FRMPD4: variants seen among roughly 807,000 people sequenced by gnomAD.
FRMPD4 encodes the protein FERM and PDZ domain containing 4, also known as FERM and PDZ domain-containing protein 4.
In FRMPD4, 22 loss-of-function variants were observed where a neutral mutation model predicts 94.1. That is an observed-to-expected ratio of 0.23 (90% confidence interval 0.17 to 0.33). FRMPD4 has a LOEUF of 0.33. Ranked by LOEUF, FRMPD4 falls within the 10% of genes least tolerant of loss-of-function variation. The pLI is 1.00. For missense variants in FRMPD4, 1,111 were observed against 1,339.9 expected (o/e 0.83, Z 2.67); for synonymous variants, 631 against 548.6 (o/e 1.15, Z -2.10).
intron 3 of FRMPD4, among the ~76,000 whole-genome samples, chrX:11,893,380 A>G (rs977240693): frequency 8.9e-5 from 10 of 112,247 alleles, no homozygotes; most frequent in Admixed American, 9.5e-5. Context: ...CTGTAGAGAC[A>G]CTTGGACCTG....
chrX:12,499,149 A>C lies in FRMPD4; in HGVS notation c.158+353A>C, dbSNP rs759813560. On this transcript the variant is annotated intron_variant, in intron 2 of 16. Transcript: ENST00000675598. ...GTCTGAGATTAACAACCGAAGTTGG[A>C]CATGCAAGAATCTCATTTACAAGGT... is the stretch of plus-strand genomic sequence containing the variant. Among the ~76,000 whole-genome samples the C allele has an allele frequency of 9.9e-5, 11 of 111,505 alleles. No homozygotes were observed. In the Admixed American group the frequency reaches 1.0e-3, roughly 11 times the overall value.
intron 3 of FRMPD4, among the ~76,000 whole-genome samples, chrX:11,965,271 G>A (rs1333200724): frequency 8.9e-6 from 1 of 112,175 alleles, no homozygotes; most frequent in Non-Finnish European, 1.9e-5. Context: ...AGGTCTACAT[G>A]TTATTCTTTT....
At chrX:12,259,733 C>A (rs1352959880) in intron 1 of FRMPD4, among the ~76,000 whole-genome samples, 1 of 111,644 alleles carries the variant, frequency 9.0e-6, no homozygotes. Context: ...GAAATATAGT[C>A]TAGCCCTGTG....
chrX:12,388,846 T>TAC (rs1480547571), intron 1 of FRMPD4, among the ~76,000 whole-genome samples: 2 of 85,900 alleles, frequency 2.3e-5, no homozygotes, highest in African/African-American at 4.7e-5. Context: ...TATATATATA[T>TAC]ATATACACAC....
At chrX:12,109,425 T>C (rs1042747442) in intron 3 of FRMPD4, among the ~76,000 whole-genome samples, 1 of 111,959 alleles carries the variant, frequency 8.9e-6, no homozygotes, top group Non-Finnish European at 1.9e-5. Flanking sequence ...TTTAAAGCAG[T>C]GTGTAGAGGG....
intron 1 of FRMPD4, among the ~76,000 whole-genome samples, chrX:12,226,055 A>G (rs1458643708): frequency 1.8e-5 from 2 of 111,438 alleles, no homozygotes; most frequent in Non-Finnish European, 3.8e-5. Flanking sequence ...GCCATTTATT[A>G]TTGTTGTGGT....
intron 9 of FRMPD4, among the ~76,000 whole-genome samples, chrX:12,697,843 A>T (rs2060148766): frequency 8.9e-6 from 1 of 112,200 alleles, no homozygotes; most frequent in Non-Finnish European, 1.9e-5. Flanking sequence ...CAGAGGGGGA[A>T]AAATAGAAAA....
At chrX:11,869,544 C>T (rs1424944506) in intron 2 of FRMPD4, among the ~76,000 whole-genome samples, 1 of 111,858 alleles carries the variant, frequency 8.9e-6, no homozygotes, top group Non-Finnish European at 1.9e-5. Context: ...ACATATATCA[C>T]AACATCATAT....
intron 1 of FRMPD4, among the ~76,000 whole-genome samples, chrX:12,465,531 A>G (rs759211646): frequency 1.8e-5 from 2 of 111,740 alleles, no homozygotes; most frequent in South Asian, 7.6e-4. Context: ...GTGTCATTCC[A>G]TTGGTTAGAA....
In FRMPD4 at chrX:12,332,060, A is replaced by ATTATATATTTATATACT. The variant is rs2055424382; in HGVS notation, c.42-166620_42-166619insTTATATATTTATATACT. Among the ~76,000 whole-genome samples the ATTATATATTTATATACT allele has an allele frequency of 6.8e-5, 5 of 73,881 alleles. 1 individual carries two copies. Among genetic ancestry groups the ATTATATATTTATATACT allele is most frequent in the African/African-American group, 2.9e-4 (5 of 17,534 alleles). The allele number at this position is 73,881 out of a possible 115,157, so 64.2% of individuals were successfully genotyped here. A position where few individuals can be genotyped will look rare whatever the true frequency, so the allele number is the denominator to read the frequency against. On this transcript the variant is annotated intron_variant, in intron 1 of 16. Transcript: ENST00000675598. ...TATATACTATATATAAATTATATGT[A>ATTATATATTTATATACT]ATATATAATTTATATTATATATAAT...
intron 1 of FRMPD4, among the ~76,000 whole-genome samples, chrX:12,369,653 G>A (rs2056134739): frequency 8.9e-6 from 1 of 112,344 alleles, no homozygotes; most frequent in African/African-American, 3.2e-5. Flanking sequence ...TTCTTGAAAC[G>A]TAAGTAGGAA....
chrX:11,966,026 A>T (rs984354600), intron 3 of FRMPD4, among the ~76,000 whole-genome samples: 1 of 112,243 alleles, frequency 8.9e-6, no homozygotes, highest in Non-Finnish European at 1.9e-5. Flanking sequence ...GATAAAAGAC[A>T]TCTAAGACAT....
At position 12,716,641 on chromosome X, in the gene FRMPD4, G is replaced by A. The variant is rs750615873; in HGVS notation, c.2182G>A (p.Ala728Thr). ...NIGDVKSFQA[A>T]EGIEEPLLHD... ...AGGCGATGTGAAGAGCTTCCAGGCCGCGGAGGGGATCGAGGAACCCCTCTT... is the reference window on the plus strand; with the variant it reads ...AGGCGATGTGAAGAGCTTCCAGGCCACGGAGGGGATCGAGGAACCCCTCTT... The change falls in exon 15 of 17, where the codon GCG (alanine) becomes ACG (threonine). Residue 728 changes from alanine (A) to threonine (T), a missense_variant. Around this residue, in one of 8 missense-constraint regions of FRMPD4, gnomAD observed 192 missense variants for 192.5 expected, o/e 1.00. Coordinates refer to ENST00000675598, the MANE Select transcript of FRMPD4 (RefSeq NM_001368397.1). 237 of 1,207,976 alleles carry A rather than the reference G, an allele frequency of 2.0e-4. No individual in the cohort carries two copies. The highest frequency in any genetic ancestry group is 2.5e-4 in the Non-Finnish European group (225 of 893,433).
intron 1 of FRMPD4, among the ~76,000 whole-genome samples, chrX:12,214,316 TCTC>T (rs2056783108): frequency 9.0e-6 from 1 of 111,574 alleles, no homozygotes; most frequent in African/African-American, 3.3e-5. Context: ...AGCATAATAT[TCTC>T]CTCTTAAAAT....
intron 4 of FRMPD4, among the ~76,000 whole-genome samples, chrX:12,664,520 C>CG (rs1336005625): frequency 2.7e-5 from 3 of 111,771 alleles, no homozygotes; most frequent in Admixed American, 9.5e-5. Context: ...GATTTGCATA[C>CG]GTTGAACCAG....
intron 3 of FRMPD4, among the ~76,000 whole-genome samples, chrX:12,094,780 T>C (rs2147500970): frequency 8.9e-6 from 1 of 112,639 alleles, no homozygotes; most frequent in African/African-American, 3.2e-5. Context: ...ACTGAAAGTA[T>C]ATATGGAAAA....
chrX:12,073,883 A>T (rs1401317804), intron 3 of FRMPD4, among the ~76,000 whole-genome samples: 1 of 111,596 alleles, frequency 9.0e-6, no homozygotes, highest in African/African-American at 3.3e-5. Flanking sequence ...TTTTTGTTTT[A>T]ATCGGTATTT....
At chrX:12,107,205 C>G (rs2055307287) in intron 3 of FRMPD4, among the ~76,000 whole-genome samples, 1 of 111,818 alleles carries the variant, frequency 8.9e-6, no homozygotes, top group South Asian at 3.8e-4. Context: ...TTGAAGCTTC[C>G]AGAGGAACGA....
intron 1 of FRMPD4, among the ~76,000 whole-genome samples, chrX:12,229,490 C>T (rs2056960209): frequency 8.9e-6 from 1 of 111,877 alleles, no homozygotes; most frequent in South Asian, 3.8e-4. Context: ...TGCATCTCTT[C>T]CCTTCTGCAC....
Sources: gnomAD v4.1 joint callset for allele counts (sites outside exome capture counted in the v4.1 genomes callset) on GRCh38, gnomAD v4.1.1 for gene constraint, gnomAD v4.1.1 regional missense constraint, MANE v1.5 for transcripts, NCBI Gene and HGNC (gene_info 2026-07-23, HGNC 2026-07-21) for gene names.